The following TENM3 variants were observed in gnomAD, a reference collection of about 807,000 sequenced individuals.
TENM3 encodes teneurin transmembrane protein 3.
In TENM3, 63 loss-of-function variants were observed where a neutral mutation model predicts 255.1. That is an observed-to-expected ratio of 0.25 (90% CI 0.20 to 0.30). The LOEUF (loss-of-function observed/expected upper bound fraction) is 0.30, where lower values mean the gene tolerates loss of function less well. Among genes scored for constraint, TENM3 ranks in the 10% least tolerant of loss-of-function variants. The probability of loss-of-function intolerance (pLI) is 1.00; values close to 1 mark genes in which losing one functional copy is unlikely to be tolerated. For synonymous variants in TENM3, 1,306 were observed against 1,322.3 expected, an observed-to-expected ratio of 0.99 and a Z score of 0.27; for missense variants, 2,929 against 3,461.1, an observed-to-expected ratio of 0.85 and a Z score of 3.86.
chr4:181,931,219 C>T, the TENM3 span, among the ~76,000 whole-genome samples: 829 of 152,274 alleles, frequency 5.4e-3, 6 homozygotes, highest in Admixed American at 8.8e-3. Context: ...GAGAGAAAGT[C>T]AAATTCTTTC....
chr4:182,024,110 G>A, the TENM3 span, among the ~76,000 whole-genome samples: 1 of 150,640 alleles, frequency 6.6e-6, no homozygotes, highest in Non-Finnish European at 1.5e-5. Context: ...TAGATTTGGG[G>A]GAAAAAACAA....
chr4:182,341,049 G>A (rs1764456983), intron 2 of TENM3, among the ~76,000 whole-genome samples: 1 of 152,100 alleles, frequency 6.6e-6, no homozygotes, highest in Non-Finnish European at 1.5e-5. Context: ...TGAAATGGAG[G>A]GGAAAATGCT....
intron 1 of TENM3, among the ~76,000 whole-genome samples, chr4:182,205,106 C>T (rs929363789): frequency 6.6e-6 from 1 of 152,196 alleles, no homozygotes; most frequent in Non-Finnish European, 1.5e-5. Context: ...CTCTCTAATA[C>T]TCACTGGATA....
intron 24 of TENM3, among the ~76,000 whole-genome samples, chr4:182,784,116 G>A (rs35696137): frequency 0.034 from 5,119 of 152,076 alleles, 114 homozygotes; most frequent in Non-Finnish European, 0.055. Context: ...TTCCTTTGGA[G>A]GAGGAGAGGC....
chr4:182,405,695 G>C (rs921478559), intron 3 of TENM3, among the ~76,000 whole-genome samples: 2 of 152,234 alleles, frequency 1.3e-5, no homozygotes, highest in Non-Finnish European at 2.9e-5. Context: ...CAGGAGAGCA[G>C]TGCAGGCAAT....
chr4:181,860,244 G>A, the TENM3 span, among the ~76,000 whole-genome samples: 1 of 152,172 alleles, frequency 6.6e-6, no homozygotes, highest in East Asian at 1.9e-4. Context: ...TTTAAAAGCT[G>A]ACATCTGTGA....
the TENM3 span, among the ~76,000 whole-genome samples, chr4:181,681,748 A>AT: frequency 0.027 from 3,590 of 133,426 alleles, 65 homozygotes; most frequent in African/African-American, 0.061. Flanking sequence ...AGACTCAGCT[A>AT]TTTTTTTTTC....
chr4:182,261,376 A>G (rs557952356), intron 1 of TENM3, among the ~76,000 whole-genome samples: 4 of 152,166 alleles, frequency 2.6e-5, no homozygotes, highest in Non-Finnish European at 5.9e-5. Flanking sequence ...CACCTTGGGC[A>G]GTTATGGCTG....
At chr4:182,495,565 C>T (rs1580740316) in intron 3 of TENM3, among the ~76,000 whole-genome samples, 1 of 152,030 alleles carries the variant, frequency 6.6e-6, no homozygotes, top group East Asian at 1.9e-4. Context: ...GACTCTCTTG[C>T]ATATTTTTAA....
chr4:181,560,900 C>A, the TENM3 span, among the ~76,000 whole-genome samples: 1 of 152,150 alleles, frequency 6.6e-6, no homozygotes, highest in South Asian at 2.1e-4. Flanking sequence ...TGGACAACAA[C>A]AAGGGAGGGA....
At position 182,688,275 on chromosome 4, in the gene TENM3, C is replaced by T; in HGVS notation, c.2145C>T (p.Arg715=). The T allele has an allele frequency of 6.2e-7, 1 of 1,613,952 alleles. No homozygotes were observed. Among genetic ancestry groups the T allele is most frequent in the Non-Finnish European group, 8.5e-7 (1 of 1,179,858 alleles). Residue 715 remains arginine (R), a synonymous_variant, in exon 12 of 28, where the codon CGC becomes CGT. Coordinates refer to ENST00000511685, the MANE Select transcript of TENM3 (RefSeq NM_001080477.4). ...PACNQRACHP[R]CAEHGTCKDG... The stretch of plus-strand genomic sequence containing the variant: ...GTAATCAGAGAGCCTGCCACCCCCG[C>T]TGTGCCGAGCACGGGACCTGCAAGG...
the TENM3 span, among the ~76,000 whole-genome samples, chr4:181,497,698 A>G: frequency 1.6e-4 from 24 of 152,266 alleles, no homozygotes; most frequent in African/African-American, 5.5e-4. Flanking sequence ...ATTGTCCTTT[A>G]TGCTTCAAGA....
At chr4:182,717,111 G>C (rs1759258762) in intron 13 of TENM3, among the ~76,000 whole-genome samples, 1 of 152,138 alleles carries the variant, frequency 6.6e-6, no homozygotes, top group Non-Finnish European at 1.5e-5. Flanking sequence ...GGGAGATCTT[G>C]AAATATCTTC....
Position 182,653,868 on chromosome 4 carries a change from T to C in TENM3, c.1086T>C (p.Thr362=). The C allele has an allele frequency of 6.2e-7, 1 of 1,612,948 alleles. No individual in the cohort carries two copies. The highest frequency in any genetic ancestry group is 8.5e-7 in the Non-Finnish European group (1 of 1,179,380). The part of the protein sequence containing the change: ...KVNSDTMPTN[T]VSLPSGDNGK... ...ATTCTGATACCATGCCAACAAACAC[T>C]GTGTCATTACCTTCTGGAGACAATG... The change falls in exon 6 of 28, where the codon ACT becomes ACC. Residue 362 remains threonine, a synonymous_variant. Coordinates refer to ENST00000511685, the MANE Select transcript of TENM3 (RefSeq NM_001080477.4).
intron 1 of TENM3, among the ~76,000 whole-genome samples, chr4:182,294,310 A>C (rs891206832): frequency 1.3e-5 from 2 of 152,144 alleles, no homozygotes; most frequent in Admixed American, 1.3e-4. Flanking sequence ...CTCCAGACTG[A>C]AGATCTAGAT....
Position 182,771,495 on chromosome 4 carries a change from A to G in TENM3, c.4893-1977A>G, listed in dbSNP as rs187486870. Among the ~76,000 whole-genome samples, 359 of 130,698 alleles carry G rather than the reference A, an allele frequency of 2.7e-3. 4 individuals carry two copies. The highest frequency in any genetic ancestry group is 4.3e-3 in the Non-Finnish European group (257 of 59,972). 85.7% of individuals were successfully genotyped at this position (130,698 alleles called of 152,430 possible). ...GTCGTATTTTCATTTTCCGTCTCTG[A>G]AATGGGGGGGGGGGAAATAGTACAA... On this transcript the variant is annotated intron_variant, in intron 22 of 27. Transcript: ENST00000511685.
the TENM3 span, among the ~76,000 whole-genome samples, chr4:182,020,643 T>A: frequency 2.0e-5 from 3 of 152,150 alleles, no homozygotes; most frequent in South Asian, 6.2e-4. Flanking sequence ...TATTGCAACA[T>A]CTCTAGGTAC....
At chr4:182,625,531 G>A (rs184039726) in intron 4 of TENM3, among the ~76,000 whole-genome samples, 9 of 152,208 alleles carry the variant, frequency 5.9e-5, no homozygotes, top group Admixed American at 2.6e-4. Flanking sequence ...CCACGAAACC[G>A]GTCCCTGGTG....
At chr4:182,347,048 T>C (rs1453831624) in intron 3 of TENM3, 119 bp downstream of exon 3, 2 of 902,788 alleles carry the variant, frequency 2.2e-6, no homozygotes, top group African/African-American at 3.4e-5. Context: ...TTCTCTCTCT[T>C]TCTTGTCCAT....
Sources: allele counts gnomAD v4.1 joint callset (sites outside exome capture counted in the v4.1 genomes callset), GRCh38; gene constraint gnomAD v4.1.1; transcripts MANE v1.5; gene names NCBI Gene and HGNC (gene_info 2026-07-23, HGNC 2026-07-21).